The following IDO2 variants were observed in gnomAD, a reference collection of about 807,000 sequenced individuals.
IDO2 encodes indoleamine 2,3-dioxygenase 2, also known as indoleamine 2,3-dioxygenase-like 1 protein.
In IDO2, 46 loss-of-function variants were observed where a neutral mutation model predicts 45.1. The observed-to-expected ratio is 1.02, with a 90% CI of 0.80 to 1.30. IDO2 has a LOEUF of 1.30. Among genes scored for constraint, IDO2 ranks in the 50% most tolerant of loss-of-function variants. The pLI is 0.00. For missense variants in IDO2, 544 were observed against 491.8 expected, an observed-to-expected ratio of 1.11 and a Z score of -1.00; for synonymous variants, 218 against 184.9, an observed-to-expected ratio of 1.18 and a Z score of -1.45.
intron 2 of IDO2, among the ~76,000 whole-genome samples, 187 bp downstream of exon 2, chr8:39,949,451 G>T (rs1269276283): frequency 1.3e-5 from 2 of 152,176 alleles, no homozygotes; most frequent in Non-Finnish European, 2.9e-5. Context: ...ATACCACAGA[G>T]AACAGGTCAA....
intron 2 of IDO2, among the ~76,000 whole-genome samples, chr8:39,953,674 T>A (rs1365399309): frequency 3.9e-5 from 6 of 152,144 alleles, no homozygotes; most frequent in Non-Finnish European, 7.4e-5. Flanking sequence ...ACGATTCTCC[T>A]GCCTCAGCCT....
chr8:39,970,438 C>T (rs1258220219), intron 3 of IDO2, among the ~76,000 whole-genome samples: 2 of 152,238 alleles, frequency 1.3e-5, no homozygotes, highest in East Asian at 3.8e-4. Flanking sequence ...GTCCCCCAGG[C>T]TGGAGTGTGG....
chr8:40,008,661 T>G (rs1000646928), intron 9 of IDO2, among the ~76,000 whole-genome samples: 11 of 152,230 alleles, frequency 7.2e-5, no homozygotes, highest in Non-Finnish European at 2.9e-5. Flanking sequence ...AAGGGATAAA[T>G]TGATTCTACT....
At chr8:39,971,051 A>G (rs765458962) in intron 3 of IDO2, among the ~76,000 whole-genome samples, 6 of 152,172 alleles carry the variant, frequency 3.9e-5, no homozygotes, top group Non-Finnish European at 8.8e-5. Context: ...GGTGTGAGCC[A>G]CTGCGCCCGG....
At chr8:40,001,245 ATTTTTTT>A (rs1187145007) in intron 8 of IDO2, among the ~76,000 whole-genome samples, 17,399 of 94,512 alleles carry the variant, frequency 0.18, 1,307 homozygotes, top group Middle Eastern at 0.34. Flanking sequence ...GGCTTTCCTC[ATTTTTTT>A]TTTTTTTTTT....
chr8:39,989,300 TG>T (rs1237249834), intron 7 of IDO2, among the ~76,000 whole-genome samples: 1 of 152,150 alleles, frequency 6.6e-6, no homozygotes, highest in Non-Finnish European at 1.5e-5. Context: ...CATCAGCCTG[TG>T]GGGATTACCA....
intron 1 of IDO2, among the ~76,000 whole-genome samples, chr8:39,940,754 C>T (rs1438959162): frequency 6.6e-6 from 1 of 151,974 alleles, no homozygotes; most frequent in African/African-American, 2.4e-5. Flanking sequence ...TCATCCCACC[C>T]TCTGGTAACC....
intron 2 of IDO2, among the ~76,000 whole-genome samples, chr8:39,952,573 T>C (rs1238715746): frequency 6.6e-6 from 1 of 152,110 alleles, no homozygotes; most frequent in African/African-American, 2.4e-5. Context: ...TTGTGGAAAA[T>C]GTGTGCCTCA....
intron 2 of IDO2, among the ~76,000 whole-genome samples, chr8:39,950,831 T>C (rs1459521232): frequency 1.3e-5 from 2 of 152,182 alleles, no homozygotes; most frequent in African/African-American, 4.8e-5. Context: ...AGGAATGGCA[T>C]GCACTATGGG....
intron 4 of IDO2, among the ~76,000 whole-genome samples, chr8:39,981,778 G>A (rs1036251822): frequency 1.3e-5 from 2 of 152,156 alleles, no homozygotes; most frequent in Non-Finnish European, 2.9e-5. Context: ...ATCTTAAGGA[G>A]AAATGAAAAT....
exon 1 of IDO2, chr8:39,934,683 T>C: frequency 5.5e-6 from 1 of 182,090 alleles, no homozygotes; most frequent in Non-Finnish European, 1.2e-5. Flanking sequence ...TACTGCTATG[T>C]GGAGCAAGGG....
chr8:39,962,336 A>G (rs1458874075), intron 2 of IDO2, among the ~76,000 whole-genome samples: 1 of 152,192 alleles, frequency 6.6e-6, no homozygotes, highest in East Asian at 1.9e-4. Flanking sequence ...ACCTAAGTTT[A>G]GTCCTTGAAC....
At chr8:39,993,472 T>C (rs1049129920) in intron 8 of IDO2, among the ~76,000 whole-genome samples, 1 of 152,192 alleles carries the variant, frequency 6.6e-6, no homozygotes, top group Non-Finnish European at 1.5e-5. Flanking sequence ...AACCATTTAG[T>C]GTATGCATTT....
exon 9 of IDO2, chr8:40,005,356 G>C: frequency 6.3e-7 from 1 of 1,581,494 alleles, no homozygotes. Context: ...ATTTTATGCA[G>C]GCATCCGGAT....
intron 3 of IDO2, among the ~76,000 whole-genome samples, chr8:39,969,370 A>G (rs1808146411): frequency 6.6e-6 from 1 of 152,168 alleles, no homozygotes; most frequent in African/African-American, 2.4e-5. Context: ...TGAAGGTGCC[A>G]TAAACTGTGC....
At chr8:39,986,611 A>G (rs1808426145) in intron 6 of IDO2, among the ~76,000 whole-genome samples, 1 of 152,094 alleles carries the variant, frequency 6.6e-6, no homozygotes, top group Admixed American at 6.6e-5. Flanking sequence ...ATGACAGCAG[A>G]TCATTTAGAA....
intron 8 of IDO2, among the ~76,000 whole-genome samples, chr8:39,995,796 A>G (rs942328040): frequency 3.0e-5 from 4 of 133,064 alleles, no homozygotes; most frequent in African/African-American, 1.1e-4. Context: ...AGCTAAAGGG[A>G]CAGGGTGAGA....
chr8:39,951,191 C>T (rs1202200306), intron 2 of IDO2, among the ~76,000 whole-genome samples: 2 of 151,540 alleles, frequency 1.3e-5, no homozygotes, highest in African/African-American at 4.8e-5. Flanking sequence ...ATTCTTTAAT[C>T]ATAGTTAAAT....
Position 39,961,320 on chromosome 8 carries a change from C to CTTTTTT in IDO2, c.100-2274_100-2269dup, listed in dbSNP as rs57577433. On this transcript the variant is annotated intron_variant, in intron 2 of 10. Coordinates refer to ENST00000502986, the Ensembl canonical transcript of IDO2. ...AGTTATGCTTTCAAATTGTATACTT[C>CTTTTTT]TTTTTTTTTTTTTTTTTTTGAAATG... Among the ~76,000 whole-genome samples, 82 of 106,100 alleles carry CTTTTTT rather than the reference C, an allele frequency of 7.7e-4. 5 individuals carry two copies. The highest frequency in any genetic ancestry group is 4.3e-3 in the East Asian group (14 of 3,276). 69.6% of individuals were successfully genotyped at this position (106,100 alleles called of 152,430 possible).
Sources: allele counts gnomAD v4.1 joint callset (sites outside exome capture counted in the v4.1 genomes callset), GRCh38; gene constraint gnomAD v4.1.1; transcripts MANE v1.5; gene names NCBI Gene and HGNC (gene_info 2026-07-23, HGNC 2026-07-21).